PTPN3: variants seen among roughly 807,000 people sequenced by gnomAD.
The protein encoded by PTPN3 is protein tyrosine phosphatase non-receptor type 3.
A neutral mutation model predicts 132.7 loss-of-function variants in PTPN3; 96 were observed. The ratio of observed to expected loss-of-function variants is 0.72; its 90% CI spans 0.61 to 0.86. PTPN3 has a LOEUF of 0.86. PTPN3 is among the 40% of genes least tolerant of loss of function. PTPN3 has a pLI of 0.00. For synonymous variants in PTPN3, 398 were observed against 429.0 expected (o/e 0.93, Z 0.89); for missense variants, 1,125 against 1,159.6 (o/e 0.97, Z 0.43).
the PTPN3 span, chr9:109,534,248 C>T: frequency 5.3e-6 from 8 of 1,506,782 alleles, no homozygotes; most frequent in African/African-American, 6.9e-5. Context: ...CCCGTAGTGC[C>T]GGGCGTGGTG....
chr9:109,467,584 G>GC (rs1348194803), intron 1 of PTPN3, among the ~76,000 whole-genome samples: 1 of 152,190 alleles, frequency 6.6e-6, no homozygotes, highest in Non-Finnish European at 1.5e-5. Flanking sequence ...TAAGAGGTGG[G>GC]CAGTTGTTCT....
Position 109,438,253 on chromosome 9 carries a change from G to A in PTPN3, c.467-19C>T. On this transcript the variant is annotated intron_variant, in intron 7 of 25. Coordinates refer to ENST00000374541, the MANE Select transcript of PTPN3 (RefSeq NM_002829.4). Reference sequence around the variant, plus strand: ...AAATGAGCTATCAAGACAGAAGAAGGGGAAAATCATAATTAGTTTTGCCTT... The same window carrying A: ...AAATGAGCTATCAAGACAGAAGAAGAGGAAAATCATAATTAGTTTTGCCTT... 6.2e-7 allele frequency: 1 copy of A among 1,601,540 alleles called. No individual in the cohort carries two copies.
At chr9:109,453,446 T>A (rs1212181452) in intron 5 of PTPN3, among the ~76,000 whole-genome samples, 1 of 152,184 alleles carries the variant, frequency 6.6e-6, no homozygotes, top group African/African-American at 2.4e-5. Flanking sequence ...AAAGTTTGTT[T>A]GTGCAGTCTG....
At chr9:109,450,580 G>A (rs1044518502) in intron 5 of PTPN3, 1 of 985,058 alleles carries the variant, frequency 1.0e-6, no homozygotes, top group Non-Finnish European at 1.2e-6. Flanking sequence ...AACTAGAATA[G>A]TGGAACCCAA....
Position 109,379,353 on chromosome 9 carries a change from A to AATT in PTPN3, c.*202_*203insAAT. 1.7e-6 allele frequency: 1 copy of AATT among 580,804 alleles called. No homozygotes were observed. Among genetic ancestry groups the AATT allele is most frequent in the Non-Finnish European group, 3.1e-6 (1 of 326,920 alleles). 36.0% of individuals were successfully genotyped at this position (580,804 alleles called of 1,614,324 possible). ...ATCTTTCCATAGAAATACAGGCCTA[A>AATT]ATGATGCCATAATTGCATGCTTATC... On this transcript the variant is annotated 3_prime_UTR_variant, in exon 26 of 26. Transcript: ENST00000374541.
the PTPN3 span, among the ~76,000 whole-genome samples, chr9:109,523,699 A>G: frequency 2.0e-5 from 3 of 152,274 alleles, no homozygotes; most frequent in African/African-American, 7.2e-5. Flanking sequence ...ATTATGCTCA[A>G]ATGTGGTAAC....
chr9:109,403,689 CAACAACATATTTAAAAAATAAA>C lies in PTPN3; in HGVS notation c.1953+737_1953+758del, dbSNP rs571659087. 2.2e-3 allele frequency among the ~76,000 whole-genome samples: 341 copies of C among 152,136 alleles called. 2 individuals are homozygous for C. The highest frequency in any genetic ancestry group is 7.7e-3 in the African/African-American group (320 of 41,492). ...ACCCTGTCTCTATTTTAAACAACGA[CAACAACATATTTAAAAAATAAA>C]AATAAGAAAATAAATTTGGAAGATG... On this transcript the variant is annotated intron_variant, in intron 19 of 25. Transcript: ENST00000374541.
At chr9:109,493,933 T>A (rs1847571226) in intron 1 of PTPN3, among the ~76,000 whole-genome samples, 1 of 152,244 alleles carries the variant, frequency 6.6e-6, no homozygotes, top group Non-Finnish European at 1.5e-5. Context: ...ATTAAGTTAC[T>A]ATTTGGAGAG....
intron 2 of PTPN3, among the ~76,000 whole-genome samples, chr9:109,460,741 T>C (rs977520740): frequency 6.6e-6 from 1 of 152,186 alleles, no homozygotes; most frequent in Non-Finnish European, 1.5e-5. Context: ...CTCTCCCTCT[T>C]GCTCTACTTT....
the PTPN3 span, among the ~76,000 whole-genome samples, chr9:109,509,807 T>C: frequency 3.9e-5 from 6 of 151,990 alleles, no homozygotes; most frequent in South Asian, 1.2e-3. Flanking sequence ...TTGTAGTTGA[T>C]GTTGGGTTCC....
intron 7 of PTPN3, among the ~76,000 whole-genome samples, chr9:109,443,069 C>T (rs998384220): frequency 4.7e-5 from 7 of 148,808 alleles, no homozygotes; most frequent in African/African-American, 1.7e-4. Flanking sequence ...CCACCGGAGA[C>T]ATCAGATTTT....
At chr9:109,486,569 G>C (rs1847221100) in intron 1 of PTPN3, among the ~76,000 whole-genome samples, 1 of 152,128 alleles carries the variant, frequency 6.6e-6, no homozygotes, top group Non-Finnish European at 1.5e-5. Context: ...TATGTGGAGA[G>C]GACTAGTGGA....
chr9:109,528,447 T>C, the PTPN3 span, among the ~76,000 whole-genome samples: 2 of 152,186 alleles, frequency 1.3e-5, no homozygotes, highest in African/African-American at 4.8e-5. Context: ...ACCGATCTCA[T>C]AGATGAGCCA....
chr9:109,441,747 CTT>C (rs35795166), intron 7 of PTPN3, among the ~76,000 whole-genome samples: 22 of 148,740 alleles, frequency 1.5e-4, no homozygotes, highest in African/African-American at 2.5e-4. Context: ...CTGAAGATCA[CTT>C]TTTTTTTTTT....
the PTPN3 span, among the ~76,000 whole-genome samples, chr9:109,513,522 C>A: frequency 3.3e-5 from 5 of 152,172 alleles, no homozygotes; most frequent in Non-Finnish European, 5.9e-5. Flanking sequence ...AGTCCAAGCT[C>A]TTTGAGGGCA....
At chr9:109,405,919 G>GAAGTCGGGACCACTGC (rs1841523626) in intron 18 of PTPN3, among the ~76,000 whole-genome samples, 3 of 152,182 alleles carry the variant, frequency 2.0e-5, no homozygotes, top group Non-Finnish European at 2.9e-5. Flanking sequence ...GCAACCCTGT[G>GAAGTCGGGACCACTGC]AAGTCGGGAC....
rs1405978338 is a variant in PTPN3, at chr9:109,498,190, C to A, written c.-18+29G>T. The A allele has an allele frequency of 6.8e-6, 1 of 146,492 alleles. No homozygotes were observed. The highest frequency in any genetic ancestry group is 1.5e-5 in the Non-Finnish European group (1 of 65,880). 9.1% of individuals were successfully genotyped at this position (146,492 alleles called of 1,614,324 possible). ...CCCCGGCAGCCCCGCACCCTGCCCC[C>A]GGCCCGCTGGGGTCGCACGGGCCCG... On this transcript the variant is annotated intron_variant, in intron 1 of 25. Transcript: ENST00000374541. This position sits in a 1 kb window ranked among gnomAD's most constrained non-coding sequence, Gnocchi z 4.2.
At chr9:109,484,792 A>C (rs1847135545) in intron 1 of PTPN3, among the ~76,000 whole-genome samples, 1 of 152,188 alleles carries the variant, frequency 6.6e-6, no homozygotes, top group South Asian at 2.1e-4. Context: ...TCCCAGGTGC[A>C]CATGGCTCTA....
intron 17 of PTPN3, among the ~76,000 whole-genome samples, chr9:109,407,814 C>T (rs1470635390): frequency 6.6e-6 from 1 of 152,132 alleles, no homozygotes; most frequent in African/African-American, 2.4e-5. Context: ...TCCCAAAGTG[C>T]TGGGATTACA....
Sources: gnomAD v4.1 joint callset for allele counts (sites outside exome capture counted in the v4.1 genomes callset) on GRCh38, gnomAD v4.1.1 for gene constraint, Gnocchi (gnomAD v3.1) non-coding constraint, MANE v1.5 for transcripts, NCBI Gene and HGNC (gene_info 2026-07-23, HGNC 2026-07-21) for gene names.